The following ABI3 variants were observed in gnomAD, a reference collection of about 807,000 sequenced individuals.
ABI3 encodes the protein ABI family member 3.
In ABI3, 24 loss-of-function variants were observed where a neutral mutation model predicts 37.0. The ratio of observed to expected loss-of-function variants is 0.65; its 90% confidence interval spans 0.47 to 0.91. The LOEUF is 0.91. Among genes scored for constraint, ABI3 ranks in the 40% least tolerant of loss-of-function variants. ABI3 has a pLI of 0.00. For missense variants in ABI3, 481 were observed against 485.1 expected (o/e 0.99, Z 0.08); for synonymous variants, 220 against 211.8 (o/e 1.04, Z -0.34).
Position 49,217,786 on chromosome 17 carries a change from C to T in ABI3, c.333C>T (p.Thr111=), listed in dbSNP as rs117896869. The part of the protein sequence containing the change: ...MEKVARREIG[T]LATVQRLPPG... ...AGGTGGCCCGAAGGGAGATCGGCAC[C>T]TTAGCCACTGTCCAGCGGCTGCCCC... Residue 111 remains threonine, a synonymous_variant, in exon 3 of 8, where the codon ACC becomes ACT. Coordinates refer to ENST00000225941, the MANE Select transcript of ABI3 (RefSeq NM_016428.3). 220 of 1,612,022 alleles carry T rather than the reference C, an allele frequency of 1.4e-4. No homozygotes were observed. The East Asian group carries it at 4.0e-3, about 29-fold the overall frequency.
chr17:49,211,655 C>T (rs771993549), intron 1 of ABI3, among the ~76,000 whole-genome samples: 1 of 152,078 alleles, frequency 6.6e-6, no homozygotes, highest in African/African-American at 2.4e-5. Flanking sequence ...AACAGCAGAG[C>T]CAGGCATTCC....
At position 49,215,596 on chromosome 17, in the gene ABI3, C is replaced by T. The variant is rs986570031; in HGVS notation, c.118-935C>T. Among the ~76,000 whole-genome samples the T allele has an allele frequency of 3.9e-5, 6 of 152,070 alleles. No homozygotes were observed. The East Asian group carries it at 1.2e-3, about 30-fold the overall frequency. On this transcript the variant is annotated intron_variant, in intron 1 of 7. Transcript: ENST00000225941. Reference sequence around the variant, plus strand: ...CACTGCAACCTCCGCCTCCCGGGTTCAAGTGATTCTCATGCCTCAGCCTCC... The same window carrying T: ...CACTGCAACCTCCGCCTCCCGGGTTTAAGTGATTCTCATGCCTCAGCCTCC...
intron 7 of ABI3, 69 bp downstream of exon 7, chr17:49,222,294 C>A: frequency 6.4e-7 from 1 of 1,554,490 alleles, no homozygotes; most frequent in Non-Finnish European, 8.7e-7. Context: ...CCATTCTCCT[C>A]CCTCTGCAAA....
chr17:49,215,346 G>A (rs140103329), intron 1 of ABI3, among the ~76,000 whole-genome samples: 257 of 152,250 alleles, frequency 1.7e-3, no homozygotes, highest in Non-Finnish European at 2.3e-3. Flanking sequence ...CGTAGGCCAC[G>A]GTTAGAAGCT....
At chr17:49,215,788 G>A (rs115940370) in intron 1 of ABI3, among the ~76,000 whole-genome samples, 17,065 of 148,502 alleles carry the variant, frequency 0.11, 1,109 homozygotes, top group South Asian at 0.21. Context: ...GTAAGCCACC[G>A]TGCCTGACAT....
At chr17:49,214,168 C>A (rs1256500277) in intron 1 of ABI3, among the ~76,000 whole-genome samples, 1 of 152,176 alleles carries the variant, frequency 6.6e-6, no homozygotes, top group Non-Finnish European at 1.5e-5. Flanking sequence ...TAGGTCTGTT[C>A]TCCATTGACA....
At position 49,216,619 on chromosome 17, in the gene ABI3, C is replaced by T; in HGVS notation, c.206C>T (p.Ala69Val). The change falls in exon 2 of 8, where the codon GCC (alanine) becomes GTC (valine). Residue 69 changes from alanine to valine, a missense_variant. Transcript: ENST00000225941. ...ASVAYQVGNLAGHTLRMLDLQ... is the reference protein window; with the variant it reads ...ASVAYQVGNLVGHTLRMLDLQ... ...GTGGCCTACCAGGTGGGCAACCTGGCCGGGCACACTCTGCGCATGTTGGAC... is the reference window on the plus strand; with the variant it reads ...GTGGCCTACCAGGTGGGCAACCTGGTCGGGCACACTCTGCGCATGTTGGAC... 6.2e-7 allele frequency: 1 copy of T among 1,611,672 alleles called. No individual in the cohort carries two copies. The highest frequency in any genetic ancestry group is 1.3e-5 in the African/African-American group (1 of 75,014).
intron 2 of ABI3, 44 bp from the exon 3 acceptor site, chr17:49,217,695 G>C (rs1167035949): frequency 6.4e-7 from 1 of 1,566,138 alleles, no homozygotes; most frequent in South Asian, 1.2e-5. Flanking sequence ...AAGGGTGCTG[G>C]ACACAGACCA....
chr17:49,214,335 A>C (rs1487241476), intron 1 of ABI3, among the ~76,000 whole-genome samples: 1 of 152,156 alleles, frequency 6.6e-6, no homozygotes, highest in Non-Finnish European at 1.5e-5. Context: ...ACCCGACCAG[A>C]GATGAGGAAG....
Position 49,210,884 on chromosome 17 carries a change from G to C in ABI3, c.117+43G>C. 5.3e-6 allele frequency: 8 copies of C among 1,503,934 alleles called. No homozygotes were observed. The highest frequency in any genetic ancestry group is 7.2e-6 in the Non-Finnish European group (8 of 1,108,076). The allele number at this position is 1,503,934 out of a possible 1,614,324, so 93.2% of individuals were successfully genotyped here. A position where few individuals can be genotyped will look rare whatever the true frequency, so the allele number is the denominator to read the frequency against. ...AAGCCTGACACCCCAGCCCCCGGAG[G>C]GGGGACCCTGAGCCCTGCCCCAAGT... On this transcript the variant is annotated intron_variant, in intron 1 of 7. Transcript: ENST00000225941. The surrounding 1 kb of genome is among the most constrained non-coding windows in gnomAD (Gnocchi z 4.2).
At chr17:49,222,528 G>A (rs1166982435) in intron 7 of ABI3, 24 bp from the exon 8 acceptor site, 4 of 1,610,938 alleles carry the variant, frequency 2.5e-6, no homozygotes, top group East Asian at 2.2e-5. Context: ...TTATCTCACG[G>A]CACCCTCTTC....
chr17:49,220,396 C>G (rs886372803), intron 6 of ABI3, 70 bp downstream of exon 6: 3 of 1,510,766 alleles, frequency 2.0e-6, no homozygotes, highest in African/African-American at 2.8e-5. Context: ...CCCCAGCCCA[C>G]CTCTCTTGGA....
intron 6 of ABI3, among the ~76,000 whole-genome samples, chr17:49,221,681 A>G (rs1309609251): frequency 6.6e-6 from 1 of 152,174 alleles, no homozygotes; most frequent in Non-Finnish European, 1.5e-5. Context: ...AGACCAGGAC[A>G]GGAGAGGGCT....
In ABI3 at chr17:49,219,087, T is replaced by G. The variant is rs1454181865; in HGVS notation, c.463-453T>G. ...GCGCATCCCCTCTAAGTGGCCTGGG[T>G]CTTGCTCCTCTCTGCCCTAACTCCC... On this transcript the variant is annotated intron_variant, in intron 3 of 7. Coordinates refer to ENST00000225941, the MANE Select transcript of ABI3 (RefSeq NM_016428.3). The surrounding 1 kb of genome is among the most constrained non-coding windows in gnomAD (Gnocchi z 4.3). Among the ~76,000 whole-genome samples, 1 of 152,070 alleles carries G rather than the reference T, an allele frequency of 6.6e-6. No homozygotes were observed. The highest frequency in any genetic ancestry group is 1.5e-5 in the Non-Finnish European group (1 of 68,008).
At position 49,219,584 on chromosome 17, in the gene ABI3, G is replaced by A. The variant is rs2043257219; in HGVS notation, c.507G>A (p.Lys169=). ...CAAGAACAGGCACCCTGTCTCGAAA[G>A]AGCATCAAGGCCCCTGCCACACCCG... ...QLSRTGTLSR[K]SIKAPATPAS... The change falls in exon 4 of 8, where the codon AAG becomes AAA. Residue 169 remains lysine, a synonymous_variant. Transcript: ENST00000225941. The surrounding 1 kb of genome is among the most constrained non-coding windows in gnomAD (Gnocchi z 4.3). 7 of 1,603,218 alleles carry A rather than the reference G, an allele frequency of 4.4e-6. No individual in the cohort carries two copies. Among genetic ancestry groups the A allele is most frequent in the East Asian group, 4.5e-5 (2 of 44,292 alleles).
At position 49,219,761 on chromosome 17, in the gene ABI3, T is replaced by C; in HGVS notation, c.549-97T>C. The C allele has an allele frequency of 1.4e-6, 2 of 1,419,918 alleles. No homozygotes were observed. The highest frequency in any genetic ancestry group is 1.9e-6 in the Non-Finnish European group (2 of 1,042,468). 88.0% of individuals were successfully genotyped at this position (1,419,918 alleles called of 1,614,324 possible). ...CATGCTGGATGCCTGGCGCCAAACC[T>C]CCCCCTCGGCCACCTGCCCTTCCTG... On this transcript the variant is annotated intron_variant, in intron 4 of 7. Transcript: ENST00000225941. The surrounding 1 kb of genome is among the most constrained non-coding windows in gnomAD (Gnocchi z 4.3).
Position 49,210,877 on chromosome 17 carries a change from C to G in ABI3, c.117+36C>G, listed in dbSNP as rs1438482902. The G allele has an allele frequency of 1.1e-5, 16 of 1,516,104 alleles. No homozygotes were observed. The highest frequency in any genetic ancestry group is 1.4e-5 in the Non-Finnish European group (16 of 1,117,844). The allele number at this position is 1,516,104 out of a possible 1,614,324, so 93.9% of individuals were successfully genotyped here. ...CGGGCGGAAGCCTGACACCCCAGCCCCCGGAGGGGGGACCCTGAGCCCTGC... is the reference window on the plus strand; with the variant it reads ...CGGGCGGAAGCCTGACACCCCAGCCGCCGGAGGGGGGACCCTGAGCCCTGC... On this transcript the variant is annotated intron_variant, in intron 1 of 7. Coordinates refer to ENST00000225941, the MANE Select transcript of ABI3 (RefSeq NM_016428.3). This position sits in a 1 kb window ranked among gnomAD's most constrained non-coding sequence, Gnocchi z 4.2.
chr17:49,219,408 G>T lies in ABI3; in HGVS notation c.463-132G>T. 1 of 731,616 alleles carries T rather than the reference G, an allele frequency of 1.4e-6. No homozygotes were observed. The highest frequency in any genetic ancestry group is 1.8e-5 in the South Asian group (1 of 55,506). The allele number at this position is 731,616 out of a possible 1,614,324, so 45.3% of individuals were successfully genotyped here. Reference sequence around the variant, plus strand: ...AGTGTAGGAGAGGGGCCTGAGAAGTGGAAGTGGGAACTGGCTATGCCGGGC... The same window carrying T: ...AGTGTAGGAGAGGGGCCTGAGAAGTTGAAGTGGGAACTGGCTATGCCGGGC... On this transcript the variant is annotated intron_variant, in intron 3 of 7. Coordinates refer to ENST00000225941, the MANE Select transcript of ABI3 (RefSeq NM_016428.3). The surrounding 1 kb of genome is among the most constrained non-coding windows in gnomAD (Gnocchi z 4.3).
chr17:49,215,777 T>G (rs1265726488), intron 1 of ABI3, among the ~76,000 whole-genome samples: 2 of 149,196 alleles, frequency 1.3e-5, no homozygotes, highest in Non-Finnish European at 3.0e-5. Flanking sequence ...GGATTACAGG[T>G]GTAAGCCACC....
Sources: gnomAD v4.1 joint callset for allele counts (sites outside exome capture counted in the v4.1 genomes callset) on GRCh38, gnomAD v4.1.1 for gene constraint, Gnocchi (gnomAD v3.1) non-coding constraint, MANE v1.5 for transcripts, NCBI Gene and HGNC (gene_info 2026-07-23, HGNC 2026-07-21) for gene names.